Variants in PFKP observed in about 807,000 individuals in gnomAD.
The protein encoded by PFKP is phosphofructokinase, platelet.
In PFKP, 101 loss-of-function variants were observed where a neutral mutation model predicts 94.3. The ratio of observed to expected loss-of-function variants is 1.07; its 90% CI spans 0.91 to 1.26. The LOEUF is 1.26. Among genes scored for constraint, PFKP ranks in the 50% most tolerant of loss-of-function variants. The pLI is 0.00. For synonymous variants in PFKP, 573 were observed against 432.6 expected (o/e 1.32, Z -4.03); for missense variants, 1,145 against 1,103.3 (o/e 1.04, Z -0.53).
At chr10:3,073,154 A>G (rs1022495629) in intron 1 of PFKP, among the ~76,000 whole-genome samples, 2 of 151,846 alleles carry the variant, frequency 1.3e-5, no homozygotes, top group African/African-American at 2.4e-5. Context: ...AGGCAGAGAC[A>G]TTTATAGGTC....
At chr10:3,080,539 A>AAAAAG (rs1564268265) in intron 1 of PFKP, among the ~76,000 whole-genome samples, 1 of 113,578 alleles carries the variant, frequency 8.8e-6, no homozygotes, top group African/African-American at 2.8e-5. Flanking sequence ...AAAAAAAAAA[A>AAAAAG]AGAGAATATT....
rs767864782 is a variant in PFKP, at chr10:3,097,964, G to A, written c.187-1311G>A. Among the ~76,000 whole-genome samples the A allele has an allele frequency of 1.3e-5, 2 of 152,096 alleles. 1 individual carries two copies. Among genetic ancestry groups the A allele is most frequent in the African/African-American group, 4.8e-5 (2 of 41,388 alleles). The stretch of plus-strand genomic sequence containing the variant: ...ATGTAAGTTGCAGTGAGCCGAGATC[G>A]TGCCACTGCACTCCAGCCTGGGCAA... On this transcript the variant is annotated intron_variant, in intron 2 of 21. Transcript: ENST00000381125.
At position 3,135,792 on chromosome 10, in the gene PFKP, GTTAT is replaced by G. The variant is rs1564364924; in HGVS notation, c.2182_2185del (p.Ile728PhefsTer7). 15 of 1,613,792 alleles carry G rather than the reference GTTAT, an allele frequency of 9.3e-6. No homozygotes were observed. Among genetic ancestry groups the G allele is most frequent in the Non-Finnish European group, 1.3e-5 (15 of 1,179,768 alleles). ...TGTGCTGGGAATAAGCAAAAGAAACGTTATTTTTCAACCTGTGGCAGAGCTGAAG... is the reference window on the plus strand; with the variant it reads ...TGTGCTGGGAATAAGCAAAAGAAACGTTTTCAACCTGTGGCAGAGCTGAAG... On this transcript the variant is annotated frameshift_variant, in exon 21 of 22. Coordinates refer to ENST00000381125, the MANE Select transcript of PFKP (RefSeq NM_002627.5). LOFTEE classifies it low-confidence loss of function (END_TRUNC).
chr10:3,135,753 G>A lies in PFKP; in HGVS notation c.2140G>A (p.Asp714Asn), dbSNP rs770151566. The change falls in exon 21 of 22, where the codon GAT becomes AAT. Residue 714 changes from aspartate (D) to asparagine (N), a missense_variant. Coordinates refer to ENST00000381125, the MANE Select transcript of PFKP (RefSeq NM_002627.5). Reference protein sequence around the residue: ...ARGRGKKFTTDDSICVLGISK... With the variant: ...ARGRGKKFTTNDSICVLGISK... The stretch of plus-strand genomic sequence containing the variant: ...TTTTATAGGAAAAAAATTTACCACC[G>A]ATGATTCCATTTGTGTGCTGGGAAT... 1.6e-5 allele frequency: 25 copies of A among 1,610,522 alleles called. No homozygotes were observed. The highest frequency in any genetic ancestry group is 3.3e-4 in the Middle Eastern group (2 of 6,068).
intron 20 of PFKP, among the ~76,000 whole-genome samples, chr10:3,134,934 T>C (rs1312811938): frequency 6.6e-6 from 1 of 152,244 alleles, no homozygotes; most frequent in Non-Finnish European, 1.5e-5. Context: ...ACAACCTCCT[T>C]GTGACTATCC....
chr10:3,081,648 C>T (rs1256541135), intron 1 of PFKP, among the ~76,000 whole-genome samples: 2 of 152,214 alleles, frequency 1.3e-5, no homozygotes, highest in Non-Finnish European at 2.9e-5. Context: ...TTCCGAGACA[C>T]TAGTGGCTTC....
intron 16 of PFKP, among the ~76,000 whole-genome samples, chr10:3,123,500 A>G (rs1837628753): frequency 1.3e-5 from 2 of 152,140 alleles, no homozygotes; most frequent in African/African-American, 2.4e-5. Flanking sequence ...ACAGATTTCA[A>G]TGTGGAGTTA....
At chr10:3,091,675 C>T (rs111924856) in intron 2 of PFKP, among the ~76,000 whole-genome samples, 1 of 151,952 alleles carries the variant, frequency 6.6e-6, no homozygotes, top group African/African-American at 2.4e-5. Flanking sequence ...GGTAGCTGGG[C>T]GTGGTGTAAT....
At chr10:3,134,412 A>T in intron 19 of PFKP, 71 bp from the exon 20 acceptor site, 1 of 882,072 alleles carries the variant, frequency 1.1e-6, no homozygotes, top group South Asian at 1.4e-5. Flanking sequence ...CAAAATAGAA[A>T]TTGTCATTTC....
intron 1 of PFKP, among the ~76,000 whole-genome samples, chr10:3,071,445 T>TTTTTTTTTTTTTTTTTTTTTG (rs1564254763): frequency 2.9e-5 from 4 of 138,692 alleles, no homozygotes; most frequent in African/African-American, 5.1e-5. Flanking sequence ...TTTTTTTTTT[T>TTTTTTTTTTTTTTTTTTTTTG]TTTTCTTTCT....
chr10:3,068,798 C>A, intron 1 of PFKP: 1 of 642,772 alleles, frequency 1.6e-6, no homozygotes, highest in African/African-American at 2.0e-5. Context: ...ATCGCGCAGG[C>A]TGGAGACGCG....
intron 13 of PFKP, 141 bp from the exon 14 acceptor site, chr10:3,116,635 C>T (rs985587941): frequency 3.1e-5 from 21 of 679,544 alleles, no homozygotes; most frequent in Non-Finnish European, 4.6e-5. Flanking sequence ...ATCCGGGCAT[C>T]GTGATAAATG....
In PFKP at chr10:3,067,618, C is replaced by T. The variant is rs749835066; in HGVS notation, c.23C>T (p.Ala8Val). The T allele has an allele frequency of 4.4e-5, 68 of 1,529,408 alleles. No homozygotes were observed. The highest frequency in any genetic ancestry group is 5.8e-5 in the Non-Finnish European group (66 of 1,137,342). The allele number at this position is 1,529,408 out of a possible 1,614,324, so 94.7% of individuals were successfully genotyped here. A position where few individuals can be genotyped will look rare whatever the true frequency, so the allele number is the denominator to read the frequency against. The change falls in exon 1 of 22, where the codon GCC becomes GTC. Residue 8 changes from alanine (A) to valine (V), a missense_variant. By Grantham distance (64) the Ala-to-Val change is moderately conservative (BLOSUM62 0). Coordinates refer to ENST00000381125, the MANE Select transcript of PFKP (RefSeq NM_002627.5). Reference protein sequence around the residue: MDADDSRAPKGSLRKFLE... With the variant: MDADDSRVPKGSLRKFLE... ...GCCATGGACGCGGACGACTCCCGGG[C>T]CCCCAAGGGCTCCTTGCGGAAGTTC... is the stretch of plus-strand genomic sequence containing the variant.
intron 2 of PFKP, among the ~76,000 whole-genome samples, chr10:3,092,104 C>T (rs1834088182): frequency 6.6e-6 from 1 of 152,140 alleles, no homozygotes; most frequent in Admixed American, 6.5e-5. Flanking sequence ...CGCCACCGGC[C>T]CCCAAGCTTA....
intron 1 of PFKP, among the ~76,000 whole-genome samples, chr10:3,074,272 G>A (rs1286948860): frequency 1.3e-5 from 2 of 152,214 alleles, no homozygotes; most frequent in Non-Finnish European, 2.9e-5. Flanking sequence ...CGGGTACGAC[G>A]TGCCTGTAGC....
chr10:3,113,582 G>A, intron 13 of PFKP, 64 bp downstream of exon 13: 8 of 1,471,864 alleles, frequency 5.4e-6, no homozygotes, highest in Non-Finnish European at 6.5e-6. Context: ...GGACGTGGCG[G>A]CGGGGGGGTG....
At chr10:3,124,951 G>A (rs1588547729) in intron 16 of PFKP, 1 of 511,978 alleles carries the variant, frequency 2.0e-6, no homozygotes, top group Non-Finnish European at 2.7e-6. Flanking sequence ...GGCCTCCAGA[G>A]CCTCCCTCGG....
At chr10:3,074,988 T>A (rs556714825) in intron 1 of PFKP, among the ~76,000 whole-genome samples, 38 of 152,304 alleles carry the variant, frequency 2.5e-4, no homozygotes, top group Middle Eastern at 3.4e-3. Context: ...AAGCCAGTCA[T>A]CAGCATTGTT....
Position 3,105,502 on chromosome 10 carries a change from GTAA to G in PFKP, c.774+3_774+5del. On this transcript the variant is annotated splice_donor_variant and splice_donor_region_variant and intron_variant, in intron 7 of 21. Coordinates refer to ENST00000381125, the MANE Select transcript of PFKP (RefSeq NM_002627.5). LOFTEE classifies it high-confidence loss of function. Reference sequence around the variant, plus strand: ...GCAGATGTGTGTCAAACTCTCGGAGGTAATGCGGGTCCCGTGGCCGTTGATAGC... The same window carrying G: ...GCAGATGTGTGTCAAACTCTCGGAGGTGCGGGTCCCGTGGCCGTTGATAGC... 1.9e-6 allele frequency: 3 copies of G among 1,600,500 alleles called. No individual in the cohort carries two copies. Among genetic ancestry groups the G allele is most frequent in the Non-Finnish European group, 2.6e-6 (3 of 1,167,712 alleles).
Sources: gnomAD v4.1 joint callset for allele counts (sites outside exome capture counted in the v4.1 genomes callset) on GRCh38, gnomAD v4.1.1 for gene constraint, MANE v1.5 for transcripts, NCBI Gene and HGNC (gene_info 2026-07-23, HGNC 2026-07-21) for gene names.